KIAA1217: variants seen among roughly 807,000 people sequenced by gnomAD.
KIAA1217 encodes KIAA1217.
In KIAA1217, 88 loss-of-function variants were observed where a neutral mutation model predicts 163.9. The observed-to-expected ratio is 0.54, with a 90% confidence interval of 0.45 to 0.64. The LOEUF (loss-of-function observed/expected upper bound fraction) is 0.64, where lower values mean the gene tolerates loss of function less well. Ranked by LOEUF, KIAA1217 falls within the 30% of genes least tolerant of loss-of-function variation. The pLI, the probability that KIAA1217 is intolerant of heterozygous loss-of-function variation, is 0.00. For synonymous variants in KIAA1217, 903 were observed against 923.1 expected (o/e 0.98, Z 0.39); for missense variants, 2,372 against 2,475.0 (o/e 0.96, Z 0.88).
At chr10:24,361,960 G>A (rs1331982171) in intron 2 of KIAA1217, among the ~76,000 whole-genome samples, 1 of 137,192 alleles carries the variant, frequency 7.3e-6, no homozygotes, top group Admixed American at 7.8e-5. Flanking sequence ...TCCAGCCTGG[G>A]CGACACAGCG....
At chr10:23,753,766 G>T (rs952507141) in intron 1 of KIAA1217, among the ~76,000 whole-genome samples, 1 of 152,140 alleles carries the variant, frequency 6.6e-6, no homozygotes, top group Non-Finnish European at 1.5e-5. Context: ...GTTTATCAAT[G>T]AAAAGTAATT....
chr10:24,267,919 A>G (rs941462589), intron 2 of KIAA1217, among the ~76,000 whole-genome samples: 17 of 152,164 alleles, frequency 1.1e-4, no homozygotes, highest in African/African-American at 4.1e-4. Flanking sequence ...CATAAATCAA[A>G]TTTCATTTCC....
intron 11 of KIAA1217, among the ~76,000 whole-genome samples, chr10:24,520,688 A>ACACACACACAC (rs370017339): frequency 1.7e-5 from 2 of 117,420 alleles, no homozygotes; most frequent in African/African-American, 6.9e-5. Context: ...ACACACACAC[A>ACACACACACAC]AAAAAAAATT....
chr10:23,726,780 C>G (rs115499757), intron 1 of KIAA1217, among the ~76,000 whole-genome samples: 2,006 of 152,054 alleles, frequency 0.013, 40 homozygotes, highest in African/African-American at 0.043. Flanking sequence ...ATTTATGCAG[C>G]CAAAAGACAC....
At chr10:24,515,157 C>G (rs570792146) in intron 10 of KIAA1217, among the ~76,000 whole-genome samples, 17 of 151,806 alleles carry the variant, frequency 1.1e-4, no homozygotes, top group African/African-American at 4.1e-4. Flanking sequence ...ACCTCCAACT[C>G]CTGGGTTCAA....
chr10:24,160,148 T>C (rs1231133490), intron 2 of KIAA1217, among the ~76,000 whole-genome samples: 1 of 152,218 alleles, frequency 6.6e-6, no homozygotes, highest in Admixed American at 6.5e-5. Flanking sequence ...TTAGTGTTAG[T>C]TCTCTAACTT....
chr10:24,140,090 T>A (rs2063993829), intron 2 of KIAA1217, among the ~76,000 whole-genome samples: 2 of 152,188 alleles, frequency 1.3e-5, no homozygotes, highest in South Asian at 4.1e-4. Context: ...CCGGGCACAG[T>A]GGCTCACACC....
intron 2 of KIAA1217, among the ~76,000 whole-genome samples, chr10:24,273,132 A>G (rs989336164): frequency 6.6e-6 from 1 of 152,256 alleles, no homozygotes. Flanking sequence ...TTCTGAATGA[A>G]TGAGATGCCT....
At chr10:24,251,482 C>T (rs2074531909) in intron 2 of KIAA1217, among the ~76,000 whole-genome samples, 1 of 150,932 alleles carries the variant, frequency 6.6e-6, no homozygotes, top group Non-Finnish European at 1.5e-5. Flanking sequence ...TCAGTTTCTC[C>T]AGAAAGGCCT....
At chr10:24,075,352 G>A (rs1345543512) in intron 2 of KIAA1217, among the ~76,000 whole-genome samples, 1 of 152,132 alleles carries the variant, frequency 6.6e-6, no homozygotes. Flanking sequence ...TGGGTTTTCT[G>A]TCTCTCAGGC....
intron 1 of KIAA1217, among the ~76,000 whole-genome samples, chr10:23,762,231 A>G (rs1834292680): frequency 6.6e-6 from 1 of 152,128 alleles, no homozygotes; most frequent in African/African-American, 2.4e-5. Context: ...ATGATTCCAA[A>G]CAATTGAAAA....
At chr10:24,084,348 C>G (rs890326662) in intron 2 of KIAA1217, among the ~76,000 whole-genome samples, 1 of 152,226 alleles carries the variant, frequency 6.6e-6, no homozygotes, top group Non-Finnish European at 1.5e-5. Flanking sequence ...TCGTTTACAT[C>G]TCTATCCTCA....
intron 1 of KIAA1217, among the ~76,000 whole-genome samples, chr10:23,981,035 T>C (rs1845747484): frequency 6.6e-6 from 1 of 152,212 alleles, no homozygotes; most frequent in Admixed American, 6.5e-5. Context: ...TCACCGTTGC[T>C]TAAAGTTTAA....
intron 2 of KIAA1217, among the ~76,000 whole-genome samples, chr10:24,337,301 C>T (rs1009661582): frequency 2.0e-5 from 3 of 152,158 alleles, no homozygotes; most frequent in Admixed American, 6.5e-5. Flanking sequence ...CCATTAAGCA[C>T]ATGAAAAGAT....
At chr10:24,472,729 T>TA (rs1329031570) in intron 5 of KIAA1217, among the ~76,000 whole-genome samples, 1 of 152,222 alleles carries the variant, frequency 6.6e-6, no homozygotes, top group Non-Finnish European at 1.5e-5. Context: ...ATGATTTTTT[T>TA]AAACACCATA....
At chr10:24,273,186 G>A (rs574451020) in intron 2 of KIAA1217, among the ~76,000 whole-genome samples, 63 of 152,276 alleles carry the variant, frequency 4.1e-4, no homozygotes, top group African/African-American at 1.4e-3. Flanking sequence ...TAGAGAAAAG[G>A]GAGAAATTAT....
intron 2 of KIAA1217, among the ~76,000 whole-genome samples, chr10:24,183,335 C>T (rs1287273089): frequency 1.3e-5 from 2 of 152,062 alleles, no homozygotes; most frequent in Admixed American, 1.3e-4. Context: ...CAGATATAGC[C>T]AAATTTCCAA....
chr10:24,249,438 G>T (rs937336668), intron 2 of KIAA1217, among the ~76,000 whole-genome samples: 1 of 152,066 alleles, frequency 6.6e-6, no homozygotes, highest in African/African-American at 2.4e-5. Flanking sequence ...GTAGGCTTGG[G>T]GTGGTGCTAG....
chr10:23,792,753 C>T (rs887976359), intron 1 of KIAA1217, among the ~76,000 whole-genome samples: 3 of 151,894 alleles, frequency 2.0e-5, no homozygotes, highest in African/African-American at 2.4e-5. Context: ...CCACCTGTCT[C>T]GGCCTCCCAA....
Sources: gnomAD v4.1 joint callset for allele counts (sites outside exome capture counted in the v4.1 genomes callset) on GRCh38, gnomAD v4.1.1 for gene constraint, MANE v1.5 for transcripts, NCBI Gene and HGNC (gene_info 2026-07-23, HGNC 2026-07-21) for gene names.